Variants in TARBP1 observed in about 807,000 individuals in gnomAD.
TARBP1 encodes the protein tRNA guanosine 2 -O-methyltransferase TARBP1.
A neutral mutation model predicts 178.6 loss-of-function variants in TARBP1; 144 were observed. The observed-to-expected ratio is 0.81, with a 90% CI of 0.70 to 0.93. The LOEUF is 0.93. TARBP1 is among the 40% of genes least tolerant of loss of function. The pLI, the probability that TARBP1 is intolerant of heterozygous loss-of-function variation, is 0.00. For synonymous variants in TARBP1, 787 were observed against 781.0 expected, an observed-to-expected ratio of 1.01 and a Z score of -0.13; for missense variants, 2,067 against 2,011.7, an observed-to-expected ratio of 1.03 and a Z score of -0.53.
intron 6 of TARBP1, among the ~76,000 whole-genome samples, chr1:234,460,612 C>G (rs781375317): frequency 6.6e-6 from 1 of 152,074 alleles, no homozygotes; most frequent in Non-Finnish European, 1.5e-5. Flanking sequence ...GAATGTAAAA[C>G]GGTGCAGCCG....
chr1:234,463,025 C>T (rs1668045802), intron 6 of TARBP1, among the ~76,000 whole-genome samples: 1 of 152,232 alleles, frequency 6.6e-6, no homozygotes, highest in Non-Finnish European at 1.5e-5. Context: ...TGCTTTTGTG[C>T]TGTGCTTTCC....
chr1:234,434,953 G>A (rs1409455760), intron 13 of TARBP1, among the ~76,000 whole-genome samples: 2 of 152,128 alleles, frequency 1.3e-5, no homozygotes, highest in African/African-American at 4.8e-5. Flanking sequence ...ACCAGTGTTC[G>A]CTGGAACTAA....
chr1:234,449,885 C>G (rs1475288853), intron 10 of TARBP1, among the ~76,000 whole-genome samples: 2 of 152,192 alleles, frequency 1.3e-5, no homozygotes, highest in Non-Finnish European at 1.5e-5. Flanking sequence ...GAGTGCTTCT[C>G]TAATGTTGTC....
In TARBP1 at chr1:234,467,635, T is replaced by C; in HGVS notation, c.1115A>G (p.His372Arg). The C allele has an allele frequency of 6.3e-7, 1 of 1,589,626 alleles. No homozygotes were observed. The highest frequency in any genetic ancestry group is 1.7e-4 in the Middle Eastern group (1 of 5,954). The change falls in exon 4 of 30, where the codon CAC (histidine) becomes CGC (arginine). Residue 372 changes from histidine (H) to arginine (R), a missense_variant. Physicochemically the swap from His to Arg is conservative, Grantham distance 29 (BLOSUM62 0). Transcript: ENST00000040877. ...VSEENGCWLFHPSWHMCIYKR... is the reference protein window; with the variant it reads ...VSEENGCWLFRPSWHMCIYKR... ...ATAAATACACATATGCCAGGATGGG[T>C]GAAAGAGCCAACATCCTGTGGAAAC...
At chr1:234,419,042 G>T (rs1427212086) in intron 21 of TARBP1, among the ~76,000 whole-genome samples, 6 of 152,100 alleles carry the variant, frequency 3.9e-5, no homozygotes, top group African/African-American at 1.2e-4. Flanking sequence ...TGAGGTGGTG[G>T]GCGCCTGTAG....
intron 12 of TARBP1, among the ~76,000 whole-genome samples, chr1:234,443,245 G>A (rs1665776933): frequency 6.8e-6 from 1 of 148,034 alleles, no homozygotes; most frequent in Admixed American, 6.8e-5. Context: ...AGCCAAGATC[G>A]CACCATTGCA....
intron 12 of TARBP1, among the ~76,000 whole-genome samples, chr1:234,442,435 T>C (rs1665691738): frequency 6.6e-6 from 1 of 152,182 alleles, no homozygotes; most frequent in Non-Finnish European, 1.5e-5. Context: ...ATTACATACA[T>C]TAAAAATTAA....
At chr1:234,464,436 A>G (rs1668224300) in intron 5 of TARBP1, among the ~76,000 whole-genome samples, 1 of 152,198 alleles carries the variant, frequency 6.6e-6, no homozygotes, top group Admixed American at 6.5e-5. Flanking sequence ...TTCCAGGAAC[A>G]TTATCTGCTA....
chr1:234,463,234 C>A (rs1668079172), intron 6 of TARBP1, among the ~76,000 whole-genome samples: 1 of 152,116 alleles, frequency 6.6e-6, no homozygotes. Flanking sequence ...AGTGATTCTC[C>A]TGCCTCAGCC....
intron 24 of TARBP1, 48 bp downstream of exon 24, chr1:234,405,855 C>A (rs200162233): frequency 6.4e-7 from 1 of 1,556,292 alleles, no homozygotes; most frequent in Non-Finnish European, 8.8e-7. Flanking sequence ...TCCCTGTGGG[C>A]CCTGCTGGAG....
At position 234,429,476 on chromosome 1, in the gene TARBP1, T is replaced by G. The variant is rs757209713; in HGVS notation, c.2811A>C (p.Thr937=). ...GTAAAACTTGATCAGAAGAAAGAAC[T>G]GTGAGGGCTTCTAGTGCAGACTGCA... ...RTLQSALEAL[T]VLSSDQVLPV... Residue 937 remains threonine, a synonymous_variant, in exon 16 of 30, where the codon ACA becomes ACC. Transcript: ENST00000040877. 9.9e-6 allele frequency: 16 copies of G among 1,614,024 alleles called. No homozygotes were observed. The highest frequency in any genetic ancestry group is 4.0e-5 in the African/African-American group (3 of 74,934).
intron 6 of TARBP1, among the ~76,000 whole-genome samples, chr1:234,461,573 C>G (rs1399730796): frequency 2.6e-5 from 4 of 152,134 alleles, no homozygotes; most frequent in African/African-American, 9.7e-5. Context: ...TCCCAAAGTG[C>G]TGAGACTACA....
At position 234,459,304 on chromosome 1, in the gene TARBP1, T is replaced by C. The variant is rs1304942291; in HGVS notation, c.1558A>G (p.Ile520Val). The C allele has an allele frequency of 6.2e-7, 1 of 1,612,770 alleles. No homozygotes were observed. The highest frequency in any genetic ancestry group is 2.2e-5 in the East Asian group (1 of 44,820). ...ALRDVIHCTM[I>V]THQILLRGAA... ...CCTCTCAGGAGAATCTGATGTGTGA[T>C]CATAGTGCAATGAATAACATCCCTG... is the stretch of plus-strand genomic sequence containing the variant. Residue 520 changes from isoleucine to valine, a missense_variant, in exon 8 of 30, where the codon ATC (isoleucine) becomes GTC (valine). By Grantham distance (29) the Ile-to-Val change is conservative. Coordinates refer to ENST00000040877, the MANE Select transcript of TARBP1 (RefSeq NM_005646.4).
chr1:234,427,539 ACAAGTT>A (rs1663916877), intron 18 of TARBP1, 31 bp downstream of exon 18: 1 of 1,559,172 alleles, frequency 6.4e-7, no homozygotes, highest in Non-Finnish European at 8.7e-7. Context: ...GGCACTTAAT[ACAAGTT>A]ATGACCAGTT....
At position 234,479,124 on chromosome 1, in the gene TARBP1, C is replaced by A; in HGVS notation, c.-21G>T. On this transcript the variant is annotated 5_prime_UTR_variant, in exon 1 of 30. Coordinates refer to ENST00000040877, the MANE Select transcript of TARBP1 (RefSeq NM_005646.4). ...TCCATTTGCCGAGCGCCCGCGCCAC[C>A]GGCCCGGGCTCCCAAAGGAAGGCGC... The A allele has an allele frequency of 2.0e-6, 3 of 1,513,852 alleles. No individual in the cohort carries two copies. The highest frequency in any genetic ancestry group is 1.2e-5 in the South Asian group (1 of 81,682). 93.8% of individuals were successfully genotyped at this position (1,513,852 alleles called of 1,614,324 possible).
chr1:234,471,132 A>G, intron 3 of TARBP1, 56 bp downstream of exon 3: 1 of 1,342,964 alleles, frequency 7.4e-7, no homozygotes, highest in South Asian at 1.3e-5. Flanking sequence ...AATTAGTTAC[A>G]AAATCAGGGG....
chr1:234,450,296 C>A (rs1251735998), intron 10 of TARBP1, 132 bp downstream of exon 10: 3 of 616,788 alleles, frequency 4.9e-6, no homozygotes, highest in Non-Finnish European at 7.9e-6. Flanking sequence ...CATTATTTTA[C>A]TGAAATACAA....
chr1:234,426,536 AAC>A (rs528529860), intron 19 of TARBP1, among the ~76,000 whole-genome samples: 163 of 152,340 alleles, frequency 1.1e-3, no homozygotes, highest in Non-Finnish European at 1.8e-3. Flanking sequence ...GATGATTTAC[AAC>A]ACAGTTAGGA....
intron 9 of TARBP1, among the ~76,000 whole-genome samples, chr1:234,456,181 A>G (rs934017127): frequency 6.6e-6 from 1 of 152,258 alleles, no homozygotes; most frequent in East Asian, 1.9e-4. Context: ...AAATAAAAAC[A>G]TATAGAAATA....
Sources: allele counts gnomAD v4.1 joint callset (sites outside exome capture counted in the v4.1 genomes callset), GRCh38; gene constraint gnomAD v4.1.1; transcripts MANE v1.5; gene names NCBI Gene and HGNC (gene_info 2026-07-23, HGNC 2026-07-21).